Variants in CUBN observed in about 807,000 individuals in gnomAD.
The protein encoded by CUBN is cubilin, also known as 460 kDa receptor.
In CUBN, 282 loss-of-function variants were observed where a neutral mutation model predicts 405.3. That is an observed-to-expected ratio of 0.70 (90% confidence interval 0.63 to 0.77). The LOEUF (loss-of-function observed/expected upper bound fraction) is 0.77. CUBN is among the 30% of genes least tolerant of loss of function. The pLI is 0.00. For missense variants in CUBN, 4,514 were observed against 4,475.2 expected (o/e 1.01, Z -0.25); for synonymous variants, 1,684 against 1,617.0 (o/e 1.04, Z -0.99).
chr10:16,979,556 A>C (rs1833203987), intron 31 of CUBN, among the ~76,000 whole-genome samples: 1 of 152,210 alleles, frequency 6.6e-6, no homozygotes. Context: ...CAACCATCTG[A>C]TCTTTAACAA....
chr10:16,999,367 G>A (rs559168512), intron 28 of CUBN, among the ~76,000 whole-genome samples: 4 of 152,280 alleles, frequency 2.6e-5, no homozygotes, highest in African/African-American at 9.6e-5. Flanking sequence ...TTAACCTAGA[G>A]AAGTTAGCCA....
intron 19 of CUBN, among the ~76,000 whole-genome samples, chr10:17,070,783 T>C (rs558374216): frequency 1.3e-5 from 2 of 152,312 alleles, no homozygotes; most frequent in African/African-American, 4.8e-5. Flanking sequence ...TGATTTCCTA[T>C]ATACAAGGTC....
rs1841591582 is a variant in CUBN, at chr10:16,907,601, A to G, written c.7612T>C (p.Ser2538Pro). 1.9e-6 allele frequency: 3 copies of G among 1,613,384 alleles called. No individual in the cohort carries two copies. Among genetic ancestry groups the G allele is most frequent in the Non-Finnish European group, 2.5e-6 (3 of 1,179,990 alleles). ...ATGACTTTCATTGTGTTTCCTGAAG[A>G]TTTAATCTCATTGCTTACATTCACA... ...SSVNVSNEIK[S>P]SGNTMKVIFF... Residue 2538 changes from serine to proline, a missense_variant, in exon 49 of 67, where the codon TCT (serine) becomes CCT (proline). Physicochemically the swap from Ser to Pro is moderately conservative, Grantham distance 74. Around this residue, in one of 5 missense-constraint regions of CUBN, gnomAD observed 1,613 missense variants for 1,542.8 expected, o/e 1.05. Coordinates refer to ENST00000377833, the MANE Select transcript of CUBN (RefSeq NM_001081.4).
intron 56 of CUBN, among the ~76,000 whole-genome samples, chr10:16,881,038 A>C (rs753172712): frequency 6.6e-6 from 1 of 152,228 alleles, no homozygotes; most frequent in Non-Finnish European, 1.5e-5. Context: ...TCTTTAAGAC[A>C]TCAAAAGCTC....
Position 17,123,664 on chromosome 10 carries a change from C to T in CUBN, c.413G>A (p.Ser138Asn). The T allele has an allele frequency of 3.7e-6, 6 of 1,613,874 alleles. No homozygotes were observed. The highest frequency in any genetic ancestry group is 5.1e-6 in the Non-Finnish European group (6 of 1,179,884). ...GGTTCCACCATTCTGGCAAGGATTG[C>T]TGCTGCAAACCTTTTTGTCAACAGT... Reference protein sequence around the residue: ...QQTVDKKVCSSNPCQNGGTCL... With the variant: ...QQTVDKKVCSNNPCQNGGTCL... The change falls in exon 5 of 67, where the codon AGC becomes AAC. Residue 138 changes from serine (S) to asparagine (N), a missense_variant. By Grantham distance (46) the Ser-to-Asn change is conservative (BLOSUM62 1). Coordinates refer to ENST00000377833, the MANE Select transcript of CUBN (RefSeq NM_001081.4).
chr10:16,874,424 C>T lies in CUBN; in HGVS notation c.9186G>A (p.Met3062Ile). ...AYSYADYPND[M>I]HCLYTITVSD... ...TAACGGTGATGGTATACAGACAGTG[C>T]ATATCATTTGGGTAGTCTGCGTATG... Residue 3062 changes from methionine (M) to isoleucine (I), a missense_variant, in exon 58 of 67, where the codon ATG becomes ATA. Physicochemically the swap from Met to Ile is conservative, Grantham distance 10 (BLOSUM62 1). Coordinates refer to ENST00000377833, the MANE Select transcript of CUBN (RefSeq NM_001081.4). The T allele has an allele frequency of 6.2e-7, 1 of 1,613,916 alleles. No homozygotes were observed. The highest frequency in any genetic ancestry group is 8.5e-7 in the Non-Finnish European group (1 of 1,179,780).
chr10:16,984,137 C>A lies in CUBN; in HGVS notation c.4493G>T (p.Gly1498Val), dbSNP rs1335526895. Residue 1498 changes from glycine (G) to valine (V), a missense_variant, in exon 30 of 67, where the codon GGC becomes GTC. By Grantham distance (109) the Gly-to-Val change is moderately radical. Coordinates refer to ENST00000377833, the MANE Select transcript of CUBN (RefSeq NM_001081.4). ...GACTGCTTGCCATGACGCATTGAAG[C>A]CTCTCCCATTTATGGACAAGTCGGT... ...FKTDLSINGR[G>V]FNASWQAVTG... 1.2e-6 allele frequency: 2 copies of A among 1,613,982 alleles called. No homozygotes were observed. The highest frequency in any genetic ancestry group is 1.7e-6 in the Non-Finnish European group (2 of 1,180,038).
In CUBN at chr10:16,925,869, G is replaced by A. The variant is rs1842175472; in HGVS notation, c.6272-95C>T. On this transcript the variant is annotated intron_variant, in intron 41 of 66. Transcript: ENST00000377833. ...TTTCTTGGGGGGTTTTCAAAGTGGAGGCAATAAAAATGCTTGAAAATAAAG... is the reference window on the plus strand; with the variant it reads ...TTTCTTGGGGGGTTTTCAAAGTGGAAGCAATAAAAATGCTTGAAAATAAAG... The A allele has an allele frequency of 7.2e-6, 8 of 1,110,202 alleles. No homozygotes were observed. In the East Asian group the frequency reaches 1.7e-4, roughly 24 times the overall value. The allele number at this position is 1,110,202 out of a possible 1,614,324, so 68.8% of individuals were successfully genotyped here. A position where few individuals can be genotyped will look rare whatever the true frequency, so the allele number is the denominator to read the frequency against.
In CUBN at chr10:16,884,278, G is replaced by A. The variant is rs951133157; in HGVS notation, c.8905+4139C>T. Reference sequence around the variant, plus strand: ...ATTACAGGCGTGAGCCACCATGCCCGGCCTACTATCTAATTTTAATGAAAG... The same window carrying A: ...ATTACAGGCGTGAGCCACCATGCCCAGCCTACTATCTAATTTTAATGAAAG... On this transcript the variant is annotated intron_variant, in intron 56 of 66. Transcript: ENST00000377833. 2.6e-5 allele frequency among the ~76,000 whole-genome samples: 4 copies of A among 152,236 alleles called. 1 individual carries two copies. The highest frequency in any genetic ancestry group is 6.8e-3 in the Middle Eastern group (2 of 294).
intron 28 of CUBN, among the ~76,000 whole-genome samples, chr10:16,999,291 A>G (rs903982749): frequency 6.6e-6 from 1 of 152,192 alleles, no homozygotes; most frequent in Admixed American, 6.5e-5. Context: ...AAGAAGCCAT[A>G]ATTTTGGAGT....
chr10:16,835,289 G>C, intron 63 of CUBN, 94 bp from the exon 64 acceptor site: 1 of 1,150,492 alleles, frequency 8.7e-7, no homozygotes, highest in Non-Finnish European at 1.3e-6. Flanking sequence ...CATTGCATTT[G>C]ATAAACTTTA....
intron 28 of CUBN, among the ~76,000 whole-genome samples, chr10:17,002,624 T>C (rs1203263675): frequency 6.6e-6 from 1 of 152,176 alleles, no homozygotes; most frequent in East Asian, 1.9e-4. Context: ...GGATGTGTAT[T>C]TACTGCTGTC....
intron 41 of CUBN, among the ~76,000 whole-genome samples, chr10:16,926,395 G>A (rs1292763918): frequency 6.6e-6 from 1 of 152,138 alleles, no homozygotes; most frequent in Non-Finnish European, 1.5e-5. Flanking sequence ...ATGTTGAAGG[G>A]TTTTGGGCAT....
intron 22 of CUBN, among the ~76,000 whole-genome samples, chr10:17,056,533 C>T (rs1835400117): frequency 1.3e-5 from 2 of 151,778 alleles, no homozygotes; most frequent in Non-Finnish European, 2.9e-5. Flanking sequence ...GGCGTGAACC[C>T]GGGAGTCGGA....
chr10:16,968,699 G>A (rs555489998), intron 31 of CUBN, among the ~76,000 whole-genome samples: 38 of 152,324 alleles, frequency 2.5e-4, no homozygotes, highest in African/African-American at 7.9e-4. Flanking sequence ...TACATGAATC[G>A]AAGACTTAGA....
intron 12 of CUBN, among the ~76,000 whole-genome samples, chr10:17,103,827 G>A (rs145410153): frequency 3.3e-4 from 51 of 152,310 alleles, no homozygotes; most frequent in Admixed American, 2.4e-3. Context: ...AGATGTGTGA[G>A]GAGGTTTATC....
intron 1 of CUBN, 36 bp from the exon 2 acceptor site, chr10:17,129,286 A>G (rs999798691): frequency 6.2e-7 from 1 of 1,607,396 alleles, no homozygotes; most frequent in Non-Finnish European, 8.5e-7. Context: ...ATCAGTAATT[A>G]GCAAGTACAA....
intron 28 of CUBN, among the ~76,000 whole-genome samples, chr10:16,995,958 G>T (rs1389189237): frequency 6.6e-6 from 1 of 152,176 alleles, no homozygotes; most frequent in Non-Finnish European, 1.5e-5. Flanking sequence ...TGTGGAACAT[G>T]CTCATATCAC....
intron 28 of CUBN, among the ~76,000 whole-genome samples, chr10:17,015,334 G>T (rs1251163500): frequency 6.6e-6 from 1 of 152,102 alleles, no homozygotes; most frequent in Non-Finnish European, 1.5e-5. Context: ...TGGGTAAATT[G>T]TTCCCCATAT....
Sources: allele counts gnomAD v4.1 joint callset (sites outside exome capture counted in the v4.1 genomes callset), GRCh38; gene constraint gnomAD v4.1.1; regional missense constraint gnomAD v4.1.1; transcripts MANE v1.5; gene names NCBI Gene and HGNC (gene_info 2026-07-23, HGNC 2026-07-21).